The following CELF2 variants were observed in gnomAD, a reference collection of about 807,000 sequenced individuals.
CELF2 encodes the protein CUGBP Elav-like family member 2.
Under a neutral mutation model 62.6 loss-of-function variants are expected in CELF2, and 8 were observed. The observed-to-expected ratio is 0.13, with a 90% CI of 0.07 to 0.23. The LOEUF is 0.23. CELF2 is among the 10% of genes least tolerant of loss of function. The probability of loss-of-function intolerance (pLI) is 1.00; values close to 1 mark genes in which losing one functional copy is unlikely to be tolerated. For synonymous variants in CELF2, 258 were observed against 250.0 expected (o/e 1.03, Z -0.30); for missense variants, 333 against 671.0 (o/e 0.50, Z 5.56).
intron 1 of CELF2, among the ~76,000 whole-genome samples, chr10:10,839,043 G>A (rs1421938745): frequency 6.6e-6 from 1 of 152,174 alleles, no homozygotes; most frequent in Non-Finnish European, 1.5e-5. Flanking sequence ...CTACTCAGGA[G>A]GCTGAAGCAG....
In CELF2 at chr10:11,329,706, TTTTA is replaced by T. The variant is rs1230770853; in HGVS notation, c.*657_*660del. 3.9e-5 allele frequency: 6 copies of T among 152,412 alleles called. No individual in the cohort carries two copies. The highest frequency in any genetic ancestry group is 3.4e-3 in the Middle Eastern group (1 of 294). The allele number at this position is 152,412 out of a possible 1,614,324, so 9.4% of individuals were successfully genotyped here. A position where few individuals can be genotyped will look rare whatever the true frequency, so the allele number is the denominator to read the frequency against. ...ACACTGGTTGTCTATTTTGTTATTG[TTTTA>T]TTTTAGTTTTTAGAAAGGATTAATG... On this transcript the variant is annotated 3_prime_UTR_variant, in exon 13 of 13. Coordinates refer to ENST00000633077, the MANE Select transcript of CELF2 (RefSeq NM_001326342.2). The surrounding 1 kb of genome is among the most constrained non-coding windows in gnomAD (Gnocchi z 5.5).
chr10:10,663,405 G>C, the CELF2 span, among the ~76,000 whole-genome samples: 1 of 152,150 alleles, frequency 6.6e-6, no homozygotes, highest in African/African-American at 2.4e-5. Flanking sequence ...TACACTGATA[G>C]AGAACAAGTT....
At chr10:10,986,718 G>GT (rs1339863307) in intron 2 of CELF2, among the ~76,000 whole-genome samples, 1 of 152,198 alleles carries the variant, frequency 6.6e-6, no homozygotes, top group African/African-American at 2.4e-5. Flanking sequence ...TGGCACAACT[G>GT]TAACGGGCAT....
chr10:11,219,284 G>A (rs768906315), intron 3 of CELF2, among the ~76,000 whole-genome samples: 2 of 152,196 alleles, frequency 1.3e-5, no homozygotes, highest in African/African-American at 2.4e-5. Context: ...GCATGAAAGC[G>A]ACTTATGAGT....
rs1426957541 is a variant in CELF2 at position 10,931,490 on chromosome 10, ATT to A, written c.89+11493_89+11494del. ...CTCTATTTACCACCACAGTTATAGCATTTGAGACCCTCCCTCACCCAGATCCC... is the reference window on the plus strand; with the variant it reads ...CTCTATTTACCACCACAGTTATAGCATGAGACCCTCCCTCACCCAGATCCC... On this transcript the variant is annotated intron_variant, in intron 2 of 13. Coordinates refer to the CELF2 transcript ENST00000636488. The surrounding 1 kb of genome is among the most constrained non-coding windows in gnomAD (Gnocchi z 6.1). Among the ~76,000 whole-genome samples the A allele has an allele frequency of 1.3e-5, 2 of 152,148 alleles. No homozygotes were observed. The highest frequency in any genetic ancestry group is 2.1e-4 in the South Asian group (1 of 4,830).
chr10:10,734,235 T>A, the CELF2 span, among the ~76,000 whole-genome samples: 1 of 152,232 alleles, frequency 6.6e-6, no homozygotes, highest in Non-Finnish European at 1.5e-5. Context: ...TATTATGAGT[T>A]CTTCCAACTT....
At chr10:10,857,652 TATATATATATA>T (rs1564727296) in intron 1 of CELF2, among the ~76,000 whole-genome samples, 13 of 80,202 alleles carry the variant, frequency 1.6e-4, no homozygotes, top group African/African-American at 6.0e-4. Context: ...ATATATAGTA[TATATATATATA>T]TATATATATA....
At chr10:10,632,039 A>G in the CELF2 span, among the ~76,000 whole-genome samples, 1 of 152,228 alleles carries the variant, frequency 6.6e-6, no homozygotes, top group Non-Finnish European at 1.5e-5. Flanking sequence ...TCCAGCACAC[A>G]GCAGGTGTCC....
At chr10:11,111,572 A>G (rs1049152448) in intron 1 of CELF2, among the ~76,000 whole-genome samples, 1 of 152,118 alleles carries the variant, frequency 6.6e-6, no homozygotes, top group Non-Finnish European at 1.5e-5. Flanking sequence ...CTAATGGGTA[A>G]CTGTTGTTGC....
chr10:10,752,913 A>G, the CELF2 span, among the ~76,000 whole-genome samples: 1 of 152,040 alleles, frequency 6.6e-6, no homozygotes, highest in Non-Finnish European at 1.5e-5. Context: ...CCTAGTTCAA[A>G]TATTCACAAA....
At chr10:11,229,836 C>A (rs1298581715) in intron 3 of CELF2, among the ~76,000 whole-genome samples, 1 of 152,150 alleles carries the variant, frequency 6.6e-6, no homozygotes, top group East Asian at 1.9e-4. Context: ...GTGATCCACC[C>A]ACCTCAGCCT....
intron 2 of CELF2, among the ~76,000 whole-genome samples, chr10:11,183,418 A>G (rs543096604): frequency 1.3e-5 from 2 of 152,330 alleles, no homozygotes; most frequent in South Asian, 4.1e-4. Context: ...TCCATGTACA[A>G]GTATTTGTAA....
chr10:10,774,462 T>C, the CELF2 span, among the ~76,000 whole-genome samples: 1 of 152,178 alleles, frequency 6.6e-6, no homozygotes, highest in Non-Finnish European at 1.5e-5. Context: ...CATGAATGGT[T>C]TAGCACCATC....
chr10:11,051,476 C>G (rs984369348), intron 1 of CELF2, among the ~76,000 whole-genome samples: 1 of 152,220 alleles, frequency 6.6e-6, no homozygotes, highest in African/African-American at 2.4e-5. Flanking sequence ...ACTGTACCAA[C>G]AACCTAAACA....
chr10:11,241,632 C>CA (rs1487506758), intron 3 of CELF2, among the ~76,000 whole-genome samples: 7 of 152,098 alleles, frequency 4.6e-5, no homozygotes, highest in African/African-American at 1.7e-4. Context: ...TTTGAAGGTT[C>CA]TTCTTTAGTG....
At chr10:10,568,488 A>G in the CELF2 span, among the ~76,000 whole-genome samples, 2 of 152,174 alleles carry the variant, frequency 1.3e-5, no homozygotes, top group Admixed American at 6.5e-5. Context: ...TGTGACGAAG[A>G]GCCTAACATT....
the CELF2 span, among the ~76,000 whole-genome samples, chr10:10,756,180 C>T: frequency 6.6e-6 from 1 of 152,248 alleles, no homozygotes; most frequent in East Asian, 1.9e-4. Context: ...AATAATGATA[C>T]TATTTCTTTC....
At chr10:10,967,114 C>T (rs118047019) in intron 2 of CELF2, among the ~76,000 whole-genome samples, 11 of 152,336 alleles carry the variant, frequency 7.2e-5, no homozygotes, top group East Asian at 1.9e-4. Context: ...GGTGCTGCCA[C>T]GTGGTCAGAG....
intron 1 of CELF2, among the ~76,000 whole-genome samples, chr10:10,893,061 A>G (rs559041806): frequency 6.6e-6 from 1 of 152,348 alleles, no homozygotes; most frequent in African/African-American, 2.4e-5. Context: ...CCTGGATAAC[A>G]TTAGAGCAGA....
Sources: allele counts gnomAD v4.1 joint callset (sites outside exome capture counted in the v4.1 genomes callset), GRCh38; gene constraint gnomAD v4.1.1; non-coding constraint Gnocchi (gnomAD v3.1); transcripts MANE v1.5; gene names NCBI Gene and HGNC (gene_info 2026-07-23, HGNC 2026-07-21).